The following ANKFY1 variants were observed in gnomAD, a reference collection of about 807,000 sequenced individuals.
ANKFY1 encodes the protein ankyrin repeat and FYVE domain-containing protein 1.
Under a neutral mutation model 128.3 loss-of-function variants are expected in ANKFY1, and 47 were observed. The observed-to-expected ratio is 0.37, with a 90% CI of 0.29 to 0.47. The LOEUF (loss-of-function observed/expected upper bound fraction) is 0.47. Ranked by LOEUF, ANKFY1 falls within the 20% of genes least tolerant of loss-of-function variation. The pLI, the probability that ANKFY1 is intolerant of heterozygous loss-of-function variation, is 1.00. For missense variants in ANKFY1, 1,222 were observed against 1,510.6 expected (o/e 0.81, Z 3.17); for synonymous variants, 553 against 601.6 (o/e 0.92, Z 1.18).
chr17:4,235,699 A>G, intron 3 of ANKFY1, 73 bp downstream of exon 3: 1 of 1,017,918 alleles, frequency 9.8e-7, no homozygotes, highest in Non-Finnish European at 1.5e-6. Flanking sequence ...ATATTTCAAA[A>G]TGAGACACCA....
In ANKFY1 at chr17:4,257,558, C is replaced by T. The variant is rs559950503; in HGVS notation, c.10+6374G>A. ...CAAAGGAGGGCCATTTTTCAAAGCT[C>T]AGTTCAAGCAATGTCTCCTGCAACA... On this transcript the variant is annotated intron_variant, in intron 1 of 24. Transcript: ENST00000341657. Among the ~76,000 whole-genome samples, 3 of 152,294 alleles carry T rather than the reference C, an allele frequency of 2.0e-5. No homozygotes were observed. The South Asian group carries it at 6.2e-4, about 32-fold the overall frequency.
chr17:4,172,489 G>A, intron 22 of ANKFY1, 67 bp downstream of exon 22: 3 of 1,578,400 alleles, frequency 1.9e-6, no homozygotes, highest in East Asian at 2.3e-5. Context: ...CGTGTGCCTG[G>A]GCTCTTGCTT....
At chr17:4,173,216 A>G (rs890340463) in intron 21 of ANKFY1, 138 bp downstream of exon 21, 23 of 706,806 alleles carry the variant, frequency 3.3e-5, no homozygotes, top group Non-Finnish European at 5.3e-5. Context: ...GTACCAAAAT[A>G]AAGTACCCGA....
intron 12 of ANKFY1, among the ~76,000 whole-genome samples, chr17:4,184,161 C>T (rs532524672): frequency 7.0e-4 from 107 of 152,290 alleles, no homozygotes; most frequent in African/African-American, 2.5e-3. Context: ...GACTCCATTA[C>T]GGAAACACGC....
intron 3 of ANKFY1, among the ~76,000 whole-genome samples, chr17:4,218,149 T>A (rs1426527017): frequency 6.6e-6 from 1 of 152,240 alleles, no homozygotes; most frequent in Non-Finnish European, 1.5e-5. Flanking sequence ...AGTACATTTT[T>A]TTATCTCTCA....
rs2059267945 is a variant in ANKFY1, at chr17:4,169,151, A to G, written c.3377+47T>C. The G allele has an allele frequency of 7.3e-6, 11 of 1,498,718 alleles. No individual in the cohort carries two copies. Among genetic ancestry groups the G allele is most frequent in the Middle Eastern group, 1.7e-4 (1 of 5,872 alleles). The allele number at this position is 1,498,718 out of a possible 1,614,324, so 92.8% of individuals were successfully genotyped here. On this transcript the variant is annotated intron_variant, in intron 24 of 24. Transcript: ENST00000341657. The surrounding 1 kb of genome is among the most constrained non-coding windows in gnomAD (Gnocchi z 5.0). ...CCTGGAGAAGGGGGGAAGCAATGAC[A>G]TCAGCGGCAGTCCCCTCGCTCCTTG...
At chr17:4,236,456 T>G (rs1045481594) in intron 2 of ANKFY1, among the ~76,000 whole-genome samples, 1 of 152,232 alleles carries the variant, frequency 6.6e-6, no homozygotes, top group Non-Finnish European at 1.5e-5. Flanking sequence ...ACTCAACTAC[T>G]TATAAAAAAT....
chr17:4,243,994 A>G (rs979347878), intron 1 of ANKFY1, among the ~76,000 whole-genome samples: 10 of 151,134 alleles, frequency 6.6e-5, no homozygotes, highest in African/African-American at 2.4e-4. Flanking sequence ...GCAGTGGCAC[A>G]ATCTTGGCTT....
At position 4,202,981 on chromosome 17, in the gene ANKFY1, C is replaced by T. The variant is rs1431857194; in HGVS notation, c.898+3340G>A. ...AGTTCTTTTTACTTATAATCATACA[C>T]ATATATATATATATATATATTCACC... On this transcript the variant is annotated intron_variant, in intron 7 of 24. Transcript: ENST00000341657. 7.5e-5 allele frequency among the ~76,000 whole-genome samples: 11 copies of T among 146,302 alleles called. No individual in the cohort carries two copies. The East Asian group carries it at 8.0e-4, about 11-fold the overall frequency.
At chr17:4,221,057 T>C (rs2060302751) in intron 3 of ANKFY1, among the ~76,000 whole-genome samples, 1 of 152,232 alleles carries the variant, frequency 6.6e-6, no homozygotes, top group African/African-American at 2.4e-5. Context: ...TGCATGTAAA[T>C]ACACTTTGGA....
chr17:4,179,516 G>GA (rs1467403104), intron 17 of ANKFY1: 1 of 652,918 alleles, frequency 1.5e-6, no homozygotes, highest in Non-Finnish European at 2.5e-6. Flanking sequence ...AGAAAGAGCT[G>GA]AAACAAATCT....
chr17:4,207,870 ACGGAGAAAGACAAGTG>A, intron 6 of ANKFY1, 47 bp downstream of exon 6: 1 of 1,479,490 alleles, frequency 6.8e-7, no homozygotes, highest in Non-Finnish European at 9.0e-7. Flanking sequence ...GAGAAGTACC[ACGGAGAAAGACAAGTG>A]CATTAGAGTT....
In ANKFY1 at chr17:4,166,244, C is replaced by T. The variant is rs1307943268; in HGVS notation, c.*1535G>A. 6.6e-6 allele frequency: 1 copy of T among 152,156 alleles called. No individual in the cohort carries two copies. The highest frequency in any genetic ancestry group is 2.4e-5 in the African/African-American group (1 of 41,428). The allele number at this position is 152,156 out of a possible 1,614,324, so 9.4% of individuals were successfully genotyped here. A position where few individuals can be genotyped will look rare whatever the true frequency, so the allele number is the denominator to read the frequency against. Reference sequence around the variant, plus strand: ...TAAATCTACCGCAATACAGAGGACACACTATCCAGAAAAGAATGAACAAAG... The same window carrying T: ...TAAATCTACCGCAATACAGAGGACATACTATCCAGAAAAGAATGAACAAAG... On this transcript the variant is annotated 3_prime_UTR_variant, in exon 25 of 25. Transcript: ENST00000341657.
chr17:4,183,357 T>C, intron 14 of ANKFY1, 41 bp downstream of exon 14: 2 of 1,596,350 alleles, frequency 1.3e-6, no homozygotes, highest in East Asian at 2.3e-5. Flanking sequence ...TCTCAATTAA[T>C]TGTTACCTGG....
At chr17:4,232,106 A>C (rs1274967911) in intron 3 of ANKFY1, among the ~76,000 whole-genome samples, 1 of 152,202 alleles carries the variant, frequency 6.6e-6, no homozygotes, top group East Asian at 1.9e-4. Context: ...AATGTTTTTT[A>C]TATGAATGGA....
chr17:4,252,862 G>A (rs1967910850), intron 1 of ANKFY1, among the ~76,000 whole-genome samples: 1 of 152,148 alleles, frequency 6.6e-6, no homozygotes, highest in South Asian at 2.1e-4. Flanking sequence ...CAATAAAACA[G>A]AAGGGACTGA....
intron 7 of ANKFY1, 89 bp from the exon 8 acceptor site, chr17:4,197,666 A>C: frequency 8.1e-7 from 1 of 1,230,590 alleles, no homozygotes; most frequent in East Asian, 2.5e-5. Flanking sequence ...GACTGCAGAC[A>C]AAGGAGAGCG....
intron 4 of ANKFY1, 72 bp from the exon 5 acceptor site, chr17:4,210,019 A>T: frequency 6.8e-7 from 1 of 1,469,356 alleles, no homozygotes; most frequent in South Asian, 1.2e-5. Context: ...CAAAGCGATC[A>T]TCTTTGTACT....
intron 3 of ANKFY1, chr17:4,223,494 C>T: frequency 8.6e-7 from 1 of 1,161,462 alleles, no homozygotes; most frequent in Non-Finnish European, 1.3e-6. Context: ...TGGACTATCA[C>T]TGTCTGGGGG....
Sources: gnomAD v4.1 joint callset for allele counts (sites outside exome capture counted in the v4.1 genomes callset) on GRCh38, gnomAD v4.1.1 for gene constraint, Gnocchi (gnomAD v3.1) non-coding constraint, MANE v1.5 for transcripts, NCBI Gene and HGNC (gene_info 2026-07-23, HGNC 2026-07-21) for gene names.